ZCCHC2: variants seen among roughly 807,000 people sequenced by gnomAD.
The protein encoded by ZCCHC2 is zinc finger CCHC-type containing 2, also known as zinc finger CCHC domain-containing protein 2.
Under a neutral mutation model 103.6 loss-of-function variants are expected in ZCCHC2, and 39 were observed. The observed-to-expected ratio is 0.38, with a 90% CI of 0.29 to 0.49. ZCCHC2 has a LOEUF of 0.49. Ranked by LOEUF, ZCCHC2 falls within the 20% of genes least tolerant of loss-of-function variation. ZCCHC2 has a pLI of 0.96. For missense variants in ZCCHC2, 1,483 were observed against 1,491.0 expected, an observed-to-expected ratio of 0.99 and a Z score of 0.09; for synonymous variants, 687 against 608.9, an observed-to-expected ratio of 1.13 and a Z score of -1.89.
In ZCCHC2 at chr18:62,523,651, C is replaced by T; in HGVS notation, c.227C>T (p.Ala76Val). ...GGGCCGCCTGTTGCTGGTGGAGCGG[C>T]GGCGGGGGCGGGTATGCCGGGCGGC... ...GLGPPVAGGA[A>V]AGAGMPGGGG... Residue 76 changes from alanine (A) to valine (V), a missense_variant, in exon 1 of 14, where the codon GCG becomes GTG. Coordinates refer to ENST00000269499, the MANE Select transcript of ZCCHC2 (RefSeq NM_017742.6). 1 of 1,298,182 alleles carries T rather than the reference C, an allele frequency of 7.7e-7. No individual in the cohort carries two copies. The highest frequency in any genetic ancestry group is 9.7e-7 in the Non-Finnish European group (1 of 1,028,926). The allele number at this position is 1,298,182 out of a possible 1,614,324, so 80.4% of individuals were successfully genotyped here. A position where few individuals can be genotyped will look rare whatever the true frequency, so the allele number is the denominator to read the frequency against.
intron 1 of ZCCHC2, among the ~76,000 whole-genome samples, chr18:62,526,697 G>T (rs969903991): frequency 2.6e-5 from 4 of 152,070 alleles, no homozygotes; most frequent in Admixed American, 2.6e-4. Context: ...CGCCCCTCGC[G>T]TGGAGGCGCC....
chr18:62,566,484 C>T (rs1349041453), intron 11 of ZCCHC2, among the ~76,000 whole-genome samples: 1 of 152,276 alleles, frequency 6.6e-6, no homozygotes, highest in East Asian at 1.9e-4. Flanking sequence ...GCTGCTGGCC[C>T]TCCCTGTCTC....
Position 62,539,756 on chromosome 18 carries a change from G to A in ZCCHC2, c.1015G>A (p.Gly339Arg), listed in dbSNP as rs369891858. The change falls in exon 2 of 14, where the codon GGA becomes AGA. Residue 339 changes from glycine (G) to arginine (R), a missense_variant. Around this residue, in one of 3 missense-constraint regions of ZCCHC2, gnomAD observed 568 missense variants for 525.1 expected, o/e 1.08. Coordinates refer to ENST00000269499, the MANE Select transcript of ZCCHC2 (RefSeq NM_017742.6). ...LIEQAPIPQDGLTVAPHRAQR... is the reference protein window; with the variant it reads ...LIEQAPIPQDRLTVAPHRAQR... The stretch of plus-strand genomic sequence containing the variant: ...AGAGCAAGCTCCAATACCTCAGGAC[G>A]GACTTACCGTGGCACCTCACAGAGC... 6.3e-5 allele frequency: 101 copies of A among 1,608,272 alleles called. No individual in the cohort carries two copies. Among genetic ancestry groups the A allele is most frequent in the Non-Finnish European group, 7.8e-5 (92 of 1,177,418 alleles).
At chr18:62,525,548 A>G (rs942620579) in intron 1 of ZCCHC2, 1 of 152,174 alleles carries the variant, frequency 6.6e-6, no homozygotes, top group Non-Finnish European at 1.5e-5. Context: ...CCAGAACTAA[A>G]ATTGGGCATG....
chr18:62,579,082 A>T (rs891522364), downstream of ZCCHC2, among the ~76,000 whole-genome samples: 1 of 152,128 alleles, frequency 6.6e-6, no homozygotes, highest in Non-Finnish European at 1.5e-5. Flanking sequence ...AAGTAACTTT[A>T]TATAGAGGTA....
intron 6 of ZCCHC2, among the ~76,000 whole-genome samples, chr18:62,557,814 T>C (rs1915959472): frequency 6.6e-6 from 1 of 152,194 alleles, no homozygotes; most frequent in African/African-American, 2.4e-5. Context: ...AATAAACTCA[T>C]CTTGAGGGTG....
intron 1 of ZCCHC2, among the ~76,000 whole-genome samples, chr18:62,528,991 C>T (rs1439798338): frequency 6.6e-6 from 1 of 151,894 alleles, no homozygotes; most frequent in Non-Finnish European, 1.5e-5. Flanking sequence ...GAAACCCTAT[C>T]TCTACTAAAA....
rs769587189 is a variant in ZCCHC2 at position 62,556,265 on chromosome 18, A to G, written c.1376A>G (p.Gln459Arg). 5 of 1,606,346 alleles carry G rather than the reference A, an allele frequency of 3.1e-6. No individual in the cohort carries two copies. The highest frequency in any genetic ancestry group is 1.7e-4 in the Middle Eastern group (1 of 6,052). Residue 459 changes from glutamine to arginine, a missense_variant, in exon 6 of 14, where the codon CAG becomes CGG. By Grantham distance (43) the Gln-to-Arg change is conservative. Around this residue, in one of 3 missense-constraint regions of ZCCHC2, gnomAD observed 884 missense variants for 907.5 expected, o/e 0.97. Coordinates refer to ENST00000269499, the MANE Select transcript of ZCCHC2 (RefSeq NM_017742.6). ...AGTCAGAAAGTACACAGCTTCTTTC[A>G]GTCCATATCATCAGACTCCCTACAC... ...LQSQKVHSFF[Q>R]SISSDSLHSI...
At chr18:62,552,126 C>A (rs1352437101) in intron 5 of ZCCHC2, 1 of 152,138 alleles carries the variant, frequency 6.6e-6, no homozygotes, top group Non-Finnish European at 1.5e-5. Context: ...TGCACGGTTA[C>A]CCAGCTGCCT....
intron 4 of ZCCHC2, 123 bp downstream of exon 4, chr18:62,544,996 A>G: frequency 1.4e-6 from 1 of 725,934 alleles, no homozygotes; most frequent in Non-Finnish European, 2.1e-6. Context: ...AGAACTCTAA[A>G]TGAACATTAG....
chr18:62,568,814 A>T (rs1211889195), intron 11 of ZCCHC2, among the ~76,000 whole-genome samples: 3 of 152,210 alleles, frequency 2.0e-5, no homozygotes, highest in Non-Finnish European at 2.9e-5. Flanking sequence ...TGCAAGACTC[A>T]TGCAAGTTCT....
rs1914235044 is a variant in ZCCHC2 at position 62,524,275 on chromosome 18, T to TGGA, written c.853_855dup (p.Glu285dup). The TGGA allele has an allele frequency of 6.5e-7, 1 of 1,549,312 alleles. No homozygotes were observed. The highest frequency in any genetic ancestry group is 8.7e-7 in the Non-Finnish European group (1 of 1,146,518). Reference sequence around the variant, plus strand: ...CAGCGGGTCACCCTGAGGGAACACTTGGAGAGGCTCCGCGCCGCGCTCCGC... The same window carrying TGGA: ...CAGCGGGTCACCCTGAGGGAACACTTGGAGGAGAGGCTCCGCGCCGCGCTCCGC... On this transcript the variant is annotated inframe_insertion, in exon 1 of 14. Coordinates refer to ENST00000269499, the MANE Select transcript of ZCCHC2 (RefSeq NM_017742.6).
chr18:62,541,167 C>T (rs549738252), intron 2 of ZCCHC2, among the ~76,000 whole-genome samples: 5 of 152,170 alleles, frequency 3.3e-5, no homozygotes, highest in Admixed American at 1.3e-4. Flanking sequence ...GGCTCTTATC[C>T]TATTGCACAG....
rs772315436 is a variant in ZCCHC2, at chr18:62,556,290, C to T, written c.1401C>T (p.His467=). The T allele has an allele frequency of 6.3e-7, 1 of 1,596,392 alleles. No individual in the cohort carries two copies. Among genetic ancestry groups the T allele is most frequent in the Non-Finnish European group, 8.5e-7 (1 of 1,170,432 alleles). Residue 467 remains histidine, a synonymous_variant, in exon 6 of 14, where the codon CAC becomes CAT. Transcript: ENST00000269499. ...FFQSISSDSL[H]SINNLQSSLK... is the part of the protein sequence containing the mutation. ...AGTCCATATCATCAGACTCCCTACACAGTATCAGTAAGCATCCTCTGTCCC... is the reference window on the plus strand; with the variant it reads ...AGTCCATATCATCAGACTCCCTACATAGTATCAGTAAGCATCCTCTGTCCC...
chr18:62,530,516 G>GT (rs74614507), intron 1 of ZCCHC2, among the ~76,000 whole-genome samples: 55 of 146,658 alleles, frequency 3.8e-4, no homozygotes, highest in South Asian at 1.7e-3. Flanking sequence ...AATATGGTTT[G>GT]TTTTTTTTTT....
At chr18:62,527,548 C>T (rs1022932711) in intron 1 of ZCCHC2, among the ~76,000 whole-genome samples, 1 of 152,158 alleles carries the variant, frequency 6.6e-6, no homozygotes, top group Non-Finnish European at 1.5e-5. Context: ...GTAAATATTA[C>T]ATTGGATTAC....
rs372137004 is a variant in ZCCHC2 at position 62,574,950 on chromosome 18, G to C, written c.2869G>C (p.Val957Leu). The C allele has an allele frequency of 5.0e-6, 8 of 1,613,838 alleles. No individual in the cohort carries two copies. The highest frequency in any genetic ancestry group is 6.8e-6 in the Non-Finnish European group (8 of 1,179,874). ...AGGTATCAGCCAGGCCCAGGCAACT[G>C]TTCCTCCTGCAGTTCCTACCCACAC... Reference protein sequence around the residue: ...SAGISQAQATVPPAVPTHTPG... With the variant: ...SAGISQAQATLPPAVPTHTPG... Residue 957 changes from valine to leucine, a missense_variant, in exon 13 of 14, where the codon GTT (valine) becomes CTT (leucine). Around this residue, in one of 3 missense-constraint regions of ZCCHC2, gnomAD observed 884 missense variants for 907.5 expected, o/e 0.97. Transcript: ENST00000269499.
chr18:62,524,467 A>T (rs985832986), intron 1 of ZCCHC2, 104 bp downstream of exon 1: 2 of 1,393,964 alleles, frequency 1.4e-6, no homozygotes, highest in Non-Finnish European at 1.8e-6. Context: ...AGCCCGGCGC[A>T]GGTGGCTCGG....
At chr18:62,563,252 T>C in intron 9 of ZCCHC2, 108 bp downstream of exon 9, 1 of 1,332,774 alleles carries the variant, frequency 7.5e-7, no homozygotes, top group South Asian at 1.6e-5. Flanking sequence ...TGGTAAGAAA[T>C]GAAGGAATGT....
Sources: gnomAD v4.1 joint callset for allele counts (sites outside exome capture counted in the v4.1 genomes callset) on GRCh38, gnomAD v4.1.1 for gene constraint, gnomAD v4.1.1 regional missense constraint, MANE v1.5 for transcripts, NCBI Gene and HGNC (gene_info 2026-07-23, HGNC 2026-07-21) for gene names.